The following SMG7 variants were observed in gnomAD, a reference collection of about 807,000 sequenced individuals.
The protein encoded by SMG7 is nonsense-mediated mRNA decay factor SMG7.
A neutral mutation model predicts 148.2 loss-of-function variants in SMG7; 34 were observed. That is an observed-to-expected ratio of 0.23 (90% CI 0.17 to 0.31). The LOEUF is 0.31. SMG7 is among the 10% of genes least tolerant of loss of function. The pLI is 1.00. For missense variants in SMG7, 1,114 were observed against 1,408.4 expected (o/e 0.79, Z 3.35); for synonymous variants, 492 against 515.1 (o/e 0.96, Z 0.61).
In SMG7 at chr1:183,527,923, TG is replaced by T; in HGVS notation, c.485-30del. On this transcript the variant is annotated intron_variant, in intron 5 of 22. Coordinates refer to ENST00000688051, the MANE Select transcript of SMG7 (RefSeq NM_001375584.1). This position sits in a 1 kb window ranked among gnomAD's most constrained non-coding sequence, Gnocchi z 4.0. ...AAATACTACCCTACTGTTTGTTTTTTGGGTTTTTTAAAACTAATTTTCTTCT... is the reference window on the plus strand; with the variant it reads ...AAATACTACCCTACTGTTTGTTTTTTGGTTTTTTAAAACTAATTTTCTTCT... 6.4e-7 allele frequency: 1 copy of T among 1,564,126 alleles called. No homozygotes were observed. Among genetic ancestry groups the T allele is most frequent in the South Asian group, 1.1e-5 (1 of 89,642 alleles).
At chr1:183,543,617 CT>C (rs1184607732) in intron 14 of SMG7, among the ~76,000 whole-genome samples, 1 of 152,094 alleles carries the variant, frequency 6.6e-6, no homozygotes. Flanking sequence ...ATACAATCTC[CT>C]TTTTTGGTTT....
chr1:183,477,840 A>AT (rs911066572), intron 1 of SMG7, among the ~76,000 whole-genome samples: 6 of 152,064 alleles, frequency 3.9e-5, no homozygotes, highest in Admixed American at 6.6e-5. Context: ...ATATACATAT[A>AT]TTTTTTGTAT....
chr1:183,522,256 A>G (rs533234042), intron 4 of SMG7, among the ~76,000 whole-genome samples: 40 of 152,318 alleles, frequency 2.6e-4, no homozygotes, highest in Admixed American at 1.1e-3. Context: ...ACATCATAAA[A>G]TCATAAAAAT....
chr1:183,475,197 C>T (rs1651849297), intron 1 of SMG7, among the ~76,000 whole-genome samples: 3 of 152,144 alleles, frequency 2.0e-5, no homozygotes, highest in African/African-American at 7.2e-5. Flanking sequence ...ATAATATATT[C>T]TAGTGTTGAG....
At chr1:183,538,207 C>G (rs1200601437) in intron 11 of SMG7, among the ~76,000 whole-genome samples, 173 bp from the exon 12 acceptor site, 1 of 152,068 alleles carries the variant, frequency 6.6e-6, no homozygotes, top group Non-Finnish European at 1.5e-5. Flanking sequence ...AGATAACATG[C>G]AGAGTTTTGA....
chr1:183,534,309 T>C (rs1475486124), intron 10 of SMG7, among the ~76,000 whole-genome samples: 1 of 152,214 alleles, frequency 6.6e-6, no homozygotes, highest in Non-Finnish European at 1.5e-5. Flanking sequence ...CTCACCATTT[T>C]CTCTGTCATC....
chr1:183,541,755 A>G (rs1668906425), intron 13 of SMG7, among the ~76,000 whole-genome samples: 1 of 152,206 alleles, frequency 6.6e-6, no homozygotes, highest in Non-Finnish European at 1.5e-5. Context: ...CATCTATAGA[A>G]TAGGAATTAT....
chr1:183,544,611 TA>T, intron 15 of SMG7, 114 bp downstream of exon 15: 1 of 1,107,380 alleles, frequency 9.0e-7, no homozygotes, highest in Middle Eastern at 2.1e-4. Flanking sequence ...TAAAAAGTTC[TA>T]TTTTCCCTAA....
chr1:183,522,813 A>G (rs575773367), intron 4 of SMG7, among the ~76,000 whole-genome samples: 3 of 151,664 alleles, frequency 2.0e-5, no homozygotes, highest in Admixed American at 6.6e-5. Context: ...CGCTCACTCT[A>G]TCATTTTGGC....
intron 1 of SMG7, among the ~76,000 whole-genome samples, chr1:183,500,154 T>G (rs1659430167): frequency 6.6e-6 from 1 of 152,190 alleles, no homozygotes. Context: ...TTCATTCATT[T>G]GGGTTGTGAG....
chr1:183,524,095 A>G (rs1401137185), intron 4 of SMG7, among the ~76,000 whole-genome samples: 1 of 149,470 alleles, frequency 6.7e-6, no homozygotes, highest in South Asian at 2.1e-4. Context: ...TTATTTATTC[A>G]TTTTTTAAGA....
intron 2 of SMG7, among the ~76,000 whole-genome samples, chr1:183,515,409 G>A (rs945152292): frequency 6.6e-6 from 1 of 152,088 alleles, no homozygotes; most frequent in Admixed American, 6.5e-5. Flanking sequence ...GGACATTTGT[G>A]GGAGTCCTTA....
rs148638445 is a variant in SMG7, at chr1:183,501,890, A to G, written c.30-10947A>G. ...TTTTTACATAATTGTTTTGTTTTAC[A>G]TATTTTTTCTTCAGTAAGGAGTCCA... On this transcript the variant is annotated intron_variant, in intron 1 of 22. Transcript: ENST00000688051. Among the ~76,000 whole-genome samples, 330 of 152,210 alleles carry G rather than the reference A, an allele frequency of 2.2e-3. 7 individuals carry two copies. The East Asian group carries it at 0.046, about 21-fold the overall frequency.
At chr1:183,513,667 G>C (rs1662723003) in intron 2 of SMG7, among the ~76,000 whole-genome samples, 1 of 152,054 alleles carries the variant, frequency 6.6e-6, no homozygotes, top group Non-Finnish European at 1.5e-5. Context: ...ACTGCGCCTG[G>C]CCATCTTTGT....
intron 1 of SMG7, among the ~76,000 whole-genome samples, chr1:183,492,312 T>G (rs1314050328): frequency 1.3e-5 from 2 of 152,236 alleles, no homozygotes; most frequent in Non-Finnish European, 2.9e-5. Flanking sequence ...TTTGATACCT[T>G]TGTCAAAAAT....
At chr1:183,489,580 T>C (rs1656413913) in intron 1 of SMG7, among the ~76,000 whole-genome samples, 1 of 152,104 alleles carries the variant, frequency 6.6e-6, no homozygotes, top group African/African-American at 2.4e-5. Context: ...TTAATGAATA[T>C]CTATGGTGAG....
chr1:183,550,983 T>A, intron 21 of SMG7, 62 bp downstream of exon 21: 1 of 1,613,240 alleles, frequency 6.2e-7, no homozygotes, highest in South Asian at 1.1e-5. Context: ...TTCCCTGGGG[T>A]CTGGCAATTG....
intron 4 of SMG7, among the ~76,000 whole-genome samples, chr1:183,523,288 A>G (rs1665163891): frequency 1.3e-5 from 2 of 152,232 alleles, no homozygotes; most frequent in South Asian, 4.1e-4. Flanking sequence ...ATAGGAACCC[A>G]GAAACTGTTC....
At chr1:183,505,536 A>G (rs752154545) in intron 1 of SMG7, among the ~76,000 whole-genome samples, 3 of 152,196 alleles carry the variant, frequency 2.0e-5, no homozygotes, top group Non-Finnish European at 2.9e-5. Context: ...TCATGGTTTT[A>G]ACTGCCATCA....
Sources: gnomAD v4.1 joint callset for allele counts (sites outside exome capture counted in the v4.1 genomes callset) on GRCh38, gnomAD v4.1.1 for gene constraint, Gnocchi (gnomAD v3.1) non-coding constraint, MANE v1.5 for transcripts, NCBI Gene and HGNC (gene_info 2026-07-23, HGNC 2026-07-21) for gene names.